The following LRP1B variants were observed in gnomAD, a reference collection of about 807,000 sequenced individuals.
The protein encoded by LRP1B is LDL receptor related protein 1B.
LRP1B carries 217 observed loss-of-function variants against 556.6 expected under a neutral mutation model. That is an observed-to-expected ratio of 0.39 (90% CI 0.35 to 0.44). The LOEUF (loss-of-function observed/expected upper bound fraction) is 0.44, where lower values mean the gene tolerates loss of function less well. Ranked by LOEUF, LRP1B falls within the 20% of genes least tolerant of loss-of-function variation. The probability of loss-of-function intolerance (pLI) is 1.00; values close to 1 mark genes in which losing one functional copy is unlikely to be tolerated. For synonymous variants in LRP1B, 2,047 were observed against 1,865.8 expected, an observed-to-expected ratio of 1.10 and a Z score of -2.50; for missense variants, 5,053 against 5,620.8, an observed-to-expected ratio of 0.90 and a Z score of 3.23.
chr2:141,938,763 T>C (rs1700708691), intron 1 of LRP1B, among the ~76,000 whole-genome samples: 1 of 151,622 alleles, frequency 6.6e-6, no homozygotes, highest in South Asian at 2.1e-4. Flanking sequence ...CATATATGTG[T>C]GTGTGTGTGT....
At chr2:141,065,621 G>A (rs1413681880) in intron 7 of LRP1B, among the ~76,000 whole-genome samples, 2 of 151,794 alleles carry the variant, frequency 1.3e-5, no homozygotes, top group African/African-American at 4.8e-5. Flanking sequence ...ATTAGATTAT[G>A]TTATGCCTTT....
intron 1 of LRP1B, among the ~76,000 whole-genome samples, chr2:141,822,195 A>AAAGGATAT (rs1696778175): frequency 6.6e-6 from 1 of 150,920 alleles, no homozygotes; most frequent in African/African-American, 2.4e-5. Context: ...AGCAAGAGAC[A>AAAGGATAT]AAGGATATAT....
At chr2:141,175,934 A>T (rs1680714836) in intron 7 of LRP1B, among the ~76,000 whole-genome samples, 1 of 152,090 alleles carries the variant, frequency 6.6e-6, no homozygotes, top group African/African-American at 2.4e-5. Context: ...ACATGGAGTC[A>T]AAGGAAATCA....
At chr2:140,694,182 T>G (rs1449907157) in intron 41 of LRP1B, among the ~76,000 whole-genome samples, 2 of 152,216 alleles carry the variant, frequency 1.3e-5, no homozygotes, top group Non-Finnish European at 2.9e-5. Context: ...TTAGCTACAG[T>G]GTAAAATGTG....
intron 2 of LRP1B, among the ~76,000 whole-genome samples, chr2:141,745,371 C>A (rs1291323390): frequency 6.6e-6 from 1 of 152,140 alleles, no homozygotes; most frequent in Non-Finnish European, 1.5e-5. Context: ...TTTACTGCAT[C>A]TGAGCTGGAA....
chr2:140,242,080 G>A (rs965343749), intron 87 of LRP1B, among the ~76,000 whole-genome samples: 1 of 150,976 alleles, frequency 6.6e-6, no homozygotes, highest in Non-Finnish European at 1.5e-5. Flanking sequence ...CCATAGGAGA[G>A]CTAGTACAGC....
At chr2:141,642,017 C>CA (rs71391664) in intron 2 of LRP1B, among the ~76,000 whole-genome samples, 3 of 151,742 alleles carry the variant, frequency 2.0e-5, no homozygotes, top group African/African-American at 2.4e-5. Context: ...AACCCCCCCC[C>CA]AAAAAACAAG....
intron 14 of LRP1B, among the ~76,000 whole-genome samples, chr2:141,011,822 ACCAAAAATATTCT>A (rs1279362124): frequency 6.6e-6 from 1 of 152,074 alleles, no homozygotes; most frequent in Non-Finnish European, 1.5e-5. Flanking sequence ...CTTTCAGAAC[ACCAAAAATATTCT>A]CTATCAGAGT....
intron 1 of LRP1B, among the ~76,000 whole-genome samples, chr2:142,126,451 C>T (rs1171886813): frequency 6.6e-6 from 1 of 151,628 alleles, no homozygotes; most frequent in African/African-American, 2.4e-5. Flanking sequence ...AGATTAAAAA[C>T]GGGGTTGGGG....
At chr2:140,247,420 C>T (rs1681214456) in intron 86 of LRP1B, among the ~76,000 whole-genome samples, 1 of 151,528 alleles carries the variant, frequency 6.6e-6, no homozygotes. Flanking sequence ...AAAATTGGCA[C>T]ATTTTATAGC....
At chr2:140,916,367 AG>A (rs1257088555) in intron 21 of LRP1B, among the ~76,000 whole-genome samples, 1 of 152,326 alleles carries the variant, frequency 6.6e-6, no homozygotes, top group African/African-American at 2.4e-5. Context: ...ATACAACAAT[AG>A]GGGAAAGAAA....
chr2:140,599,243 T>C (rs1224544302), intron 42 of LRP1B, among the ~76,000 whole-genome samples: 1 of 152,116 alleles, frequency 6.6e-6, no homozygotes, highest in Admixed American at 6.6e-5. Flanking sequence ...AGTATACTTA[T>C]TTGCTTCAAT....
At chr2:142,038,277 T>G (rs939025961) in intron 1 of LRP1B, among the ~76,000 whole-genome samples, 1 of 151,540 alleles carries the variant, frequency 6.6e-6, no homozygotes, top group Non-Finnish European at 1.5e-5. Flanking sequence ...AATGATACAG[T>G]GGGTTTGGTC....
intron 21 of LRP1B, among the ~76,000 whole-genome samples, chr2:140,920,350 C>T (rs1040429854): frequency 1.6e-4 from 25 of 151,930 alleles, no homozygotes; most frequent in African/African-American, 5.8e-4. Context: ...ACTGTGCCTA[C>T]GTTTTGAACA....
At chr2:141,103,535 T>TCTCTCTCTCTCTCTCTCTCTCTCTC (rs1553460368) in intron 7 of LRP1B, among the ~76,000 whole-genome samples, 4 of 151,996 alleles carry the variant, frequency 2.6e-5, no homozygotes, top group African/African-American at 7.2e-5. Context: ...TCTCTCTCTC[T>TCTCTCTCTCTCTCTCTCTCTCTCTC]TAAAAAGTTC....
intron 41 of LRP1B, among the ~76,000 whole-genome samples, chr2:140,615,013 C>G (rs1018049876): frequency 2.6e-5 from 4 of 152,120 alleles, no homozygotes; most frequent in Admixed American, 6.6e-5. Context: ...CAGCCCCTTC[C>G]TGAAACTAAC....
chr2:140,317,128 G>A (rs1018352324), intron 82 of LRP1B, among the ~76,000 whole-genome samples: 3 of 151,948 alleles, frequency 2.0e-5, no homozygotes, highest in Admixed American at 2.0e-4. Flanking sequence ...GATTGGAGAG[G>A]GTAAAGAAAG....
intron 14 of LRP1B, among the ~76,000 whole-genome samples, chr2:141,013,199 C>T (rs539792360): frequency 1.3e-5 from 2 of 151,984 alleles, no homozygotes; most frequent in East Asian, 1.9e-4. Context: ...GTTTTCTTTT[C>T]AAACTAAGGA....
chr2:140,247,857 C>A (rs1404888753), intron 86 of LRP1B, among the ~76,000 whole-genome samples: 1 of 151,610 alleles, frequency 6.6e-6, no homozygotes, highest in Non-Finnish European at 1.5e-5. Flanking sequence ...TAGCTGGTTG[C>A]ATAAAAATAA....
Sources: gnomAD v4.1 joint callset for allele counts (sites outside exome capture counted in the v4.1 genomes callset) on GRCh38, gnomAD v4.1.1 for gene constraint, MANE v1.5 for transcripts, NCBI Gene and HGNC (gene_info 2026-07-23, HGNC 2026-07-21) for gene names.